The following MTFR1 variants were observed in gnomAD, a reference collection of about 807,000 sequenced individuals.
MTFR1 encodes the protein mitochondrial fission regulator 1, also known as chondrocyte protein with a poly-proline region.
MTFR1 carries 28 observed loss-of-function variants against 38.8 expected under a neutral mutation model. The ratio of observed to expected loss-of-function variants is 0.72; its 90% confidence interval spans 0.53 to 0.99. The LOEUF is 0.99. MTFR1 is among the 50% of genes least tolerant of loss of function. The probability of loss-of-function intolerance (pLI) is 0.00; values close to 1 mark genes in which losing one functional copy is unlikely to be tolerated. For missense variants in MTFR1, 358 were observed against 395.5 expected (o/e 0.91, Z 0.81); for synonymous variants, 145 against 137.0 (o/e 1.06, Z -0.41).
intron 4 of MTFR1, among the ~76,000 whole-genome samples, chr8:65,703,861 C>T (rs73240742): frequency 1.3e-3 from 196 of 152,010 alleles, no homozygotes; most frequent in African/African-American, 4.5e-3. Flanking sequence ...CTTAATAGCC[C>T]TCTGTTCTTA....
intron 3 of MTFR1, among the ~76,000 whole-genome samples, chr8:65,732,738 C>T (rs1806952245): frequency 6.6e-6 from 1 of 152,222 alleles, no homozygotes; most frequent in South Asian, 2.1e-4. Context: ...TTCTCAAACT[C>T]CTGGCTTCAA....
At chr8:65,713,625 T>C (rs2129061336), downstream of MTFR1, among the ~76,000 whole-genome samples, 1 of 152,310 alleles carries the variant, frequency 6.6e-6, no homozygotes, top group Non-Finnish European at 1.5e-5. Flanking sequence ...TAAAGTAGCA[T>C]ATTGAACATT....
intron 3 of MTFR1, chr8:65,745,409 T>C (rs769296858): frequency 1.9e-6 from 3 of 1,538,538 alleles, no homozygotes; most frequent in South Asian, 1.1e-5. Context: ...TCACTTACCA[T>C]TTGTTAGTCT....
rs577862110 is a variant in MTFR1, at chr8:65,706,111, G to T, written c.518-899G>T. ...TTTGACCTGGGCATGGCAGAGGTGG[G>T]TGGGGGTGGAGGCACTCTGGGCGCT... is the stretch of plus-strand genomic sequence containing the variant. On this transcript the variant is annotated intron_variant, in intron 5 of 7. Transcript: ENST00000262146. Among the ~76,000 whole-genome samples, 9 of 152,288 alleles carry T rather than the reference G, an allele frequency of 5.9e-5. No homozygotes were observed. The South Asian group carries it at 1.9e-3, about 32-fold the overall frequency.
intron 1 of MTFR1, among the ~76,000 whole-genome samples, chr8:65,646,770 G>A (rs1228695575): frequency 6.6e-6 from 1 of 152,128 alleles, no homozygotes; most frequent in Non-Finnish European, 1.5e-5. Context: ...TCAATGAATA[G>A]CCTCTACCAC....
At chr8:65,645,866 T>A (rs777842557) in intron 1 of MTFR1, among the ~76,000 whole-genome samples, 2 of 152,232 alleles carry the variant, frequency 1.3e-5, no homozygotes, top group Non-Finnish European at 2.9e-5. Flanking sequence ...AGACATTATA[T>A]AATTTCAATT....
intron 3 of MTFR1, among the ~76,000 whole-genome samples, chr8:65,743,884 G>A (rs1294712289): frequency 6.6e-6 from 1 of 151,594 alleles, no homozygotes; most frequent in African/African-American, 2.4e-5. Flanking sequence ...CCAGGCTGGA[G>A]TGCAATGGCG....
chr8:65,704,823 T>C lies in MTFR1; in HGVS notation c.411T>C (p.Asn137=), dbSNP rs758264647. The change falls in exon 5 of 8, where the codon AAT becomes AAC. Residue 137 remains asparagine (N), a synonymous_variant. Transcript: ENST00000262146. ...AGCTGAAGACCCCAGCGCTGGCAAA[T>C]GAGGAAGCACTGCAGAAGATTTGCG... ...EPQLKTPALA[N]EEALQKICAL... is the part of the protein sequence containing the mutation. 1 of 1,614,036 alleles carries C rather than the reference T, an allele frequency of 6.2e-7. No homozygotes were observed.
intron 1 of MTFR1, among the ~76,000 whole-genome samples, chr8:65,649,317 T>C (rs58594670): frequency 0.19 from 29,140 of 151,930 alleles, 2,960 homozygotes; most frequent in Middle Eastern, 0.23. Context: ...CCCGAGTAGC[T>C]GGGATTACAG....
At chr8:65,750,851 T>C (rs897803738) in intron 3 of MTFR1, among the ~76,000 whole-genome samples, 9 of 152,216 alleles carry the variant, frequency 5.9e-5, no homozygotes, top group Admixed American at 3.9e-4. Context: ...GAAGTTAAGA[T>C]TCATTATCAA....
intron 4 of MTFR1, 128 bp from the exon 5 acceptor site, chr8:65,704,566 A>C: frequency 1.4e-6 from 1 of 691,756 alleles, no homozygotes; most frequent in Non-Finnish European, 2.5e-6. Context: ...CCTTACACGA[A>C]GGGACTTATG....
In MTFR1 at chr8:65,707,777, A is replaced by G; in HGVS notation, c.765-66A>G. 6.4e-6 allele frequency: 10 copies of G among 1,561,634 alleles called. No homozygotes were observed. The South Asian group carries it at 1.2e-4, about 19-fold the overall frequency. On this transcript the variant is annotated intron_variant, in intron 6 of 7. Transcript: ENST00000262146. ...AGGTGCTGTCAGGCAAAAGGTTGAC[A>G]AAGTACTTCCCTGAGGGTGGCCAGT...
chr8:65,654,232 T>G (rs1033461547), intron 1 of MTFR1, among the ~76,000 whole-genome samples: 1 of 152,160 alleles, frequency 6.6e-6, no homozygotes, highest in Admixed American at 6.5e-5. Flanking sequence ...AGTTTTCAGA[T>G]CTTTCCTCTA....
chr8:65,730,171 C>CTTTTT lies in MTFR1; in HGVS notation c.*48+10712_*48+10716dup, dbSNP rs1179431555. On this transcript the variant is annotated intron_variant, in intron 3 of 3. Transcript: ENST00000521247. ...TGTGAGGGATCCAGGTTGCGCACTT[C>CTTTTT]TTTTTTTTTTTTTTTTTTTTTTTTT... Among the ~76,000 whole-genome samples, 180 of 86,418 alleles carry CTTTTT rather than the reference C, an allele frequency of 2.1e-3. 26 individuals are homozygous for CTTTTT. Among genetic ancestry groups the CTTTTT allele is most frequent in the African/African-American group, 6.9e-3 (145 of 20,912 alleles). 56.7% of individuals were successfully genotyped at this position (86,418 alleles called of 152,430 possible). A position where few individuals can be genotyped will look rare whatever the true frequency, so the allele number is the denominator to read the frequency against.
chr8:65,769,141 G>C (rs1357215296), intron 3 of MTFR1, among the ~76,000 whole-genome samples: 1 of 151,712 alleles, frequency 6.6e-6, no homozygotes, highest in South Asian at 2.1e-4. Flanking sequence ...CCAGCTACTT[G>C]GGAGGCTGAG....
chr8:65,699,032 CCTT>C (rs1180370744), intron 4 of MTFR1, among the ~76,000 whole-genome samples: 2 of 152,234 alleles, frequency 1.3e-5, no homozygotes, highest in African/African-American at 4.8e-5. Flanking sequence ...CCAGCCGTTC[CCTT>C]CTTTTTGTCC....
In MTFR1 at chr8:65,704,859, T is replaced by C. The variant is rs966369731; in HGVS notation, c.447T>C (p.Asn149=). ...EALQKICALE[N]ELAALRAQIA... ...TGCAGAAGATTTGCGCTCTCGAAAA[T>C]GAACTTGCTGCTCTCAGAGCTCAGA... is the stretch of plus-strand genomic sequence containing the variant. The change falls in exon 5 of 8, where the codon AAT becomes AAC. Residue 149 remains asparagine, a synonymous_variant. Coordinates refer to ENST00000262146, the MANE Select transcript of MTFR1 (RefSeq NM_014637.4). 2 of 1,613,388 alleles carry C rather than the reference T, an allele frequency of 1.2e-6. No homozygotes were observed. Among genetic ancestry groups the C allele is most frequent in the African/African-American group, 2.7e-5 (2 of 74,924 alleles).
intron 2 of MTFR1, among the ~76,000 whole-genome samples, chr8:65,678,365 T>G (rs778791309): frequency 3.3e-5 from 5 of 152,214 alleles, no homozygotes; most frequent in Non-Finnish European, 7.3e-5. Context: ...TTCCCCTCAC[T>G]TTTTCCTACC....
chr8:65,732,109 A>G (rs1410631134), intron 3 of MTFR1, among the ~76,000 whole-genome samples: 1 of 151,710 alleles, frequency 6.6e-6, no homozygotes, highest in Non-Finnish European at 1.5e-5. Flanking sequence ...AGGGATTCTC[A>G]TGTCTCAGCC....
Sources: allele counts gnomAD v4.1 joint callset (sites outside exome capture counted in the v4.1 genomes callset), GRCh38; gene constraint gnomAD v4.1.1; transcripts MANE v1.5; gene names NCBI Gene and HGNC (gene_info 2026-07-23, HGNC 2026-07-21).